MASP2: variants seen among roughly 807,000 people sequenced by gnomAD.
MASP2 encodes the protein mannan-binding lectin serine protease 2.
A neutral mutation model predicts 57.1 loss-of-function variants in MASP2; 49 were observed. The ratio of observed to expected loss-of-function variants is 0.86; its 90% confidence interval spans 0.68 to 1.09. MASP2 has a LOEUF of 1.09. Ranked by LOEUF, MASP2 falls within the 50% of genes least tolerant of loss-of-function variation. The pLI, the probability that MASP2 is intolerant of heterozygous loss-of-function variation, is 0.00. For synonymous variants in MASP2, 379 were observed against 340.8 expected (o/e 1.11, Z -1.24); for missense variants, 900 against 874.8 (o/e 1.03, Z -0.36).
At chr1:11,042,826 A>G (rs1482975361) in intron 6 of MASP2, 49 bp downstream of exon 6, 1 of 1,603,082 alleles carries the variant, frequency 6.2e-7, no homozygotes, top group Non-Finnish European at 8.5e-7. Flanking sequence ...ACTCCAGGAG[A>G]GAGGGCAGCT....
intron 10 of MASP2, 120 bp from the exon 11 acceptor site, chr1:11,027,768 G>T: frequency 9.6e-7 from 1 of 1,038,832 alleles, no homozygotes; most frequent in Non-Finnish European, 1.4e-6. Flanking sequence ...TACATGAATT[G>T]GTGGGTGACT....
Position 11,034,857 on chromosome 1 carries a change from G to T in MASP2, c.1058C>A (p.Ser353Tyr). The change falls in exon 8 of 11, where the codon TCT becomes TAT. Residue 353 changes from serine (S) to tyrosine (Y), a missense_variant. Transcript: ENST00000400897. ...GCACGCGGGCATTGGCCGGTCCCAA[G>T]ATCCATCTTTCTGACAAACTGCAGT... ...SFTAVCQKDG[S>Y]WDRPMPACSI... is the part of the protein sequence containing the mutation. 6.2e-7 allele frequency: 1 copy of T among 1,613,260 alleles called. No homozygotes were observed. The highest frequency in any genetic ancestry group is 8.5e-7 in the Non-Finnish European group (1 of 1,179,684).
At chr1:11,046,424 G>A (rs1329161472) in intron 3 of MASP2, 132 bp downstream of exon 3, 2 of 990,432 alleles carry the variant, frequency 2.0e-6, no homozygotes, top group Admixed American at 2.0e-5. Flanking sequence ...TGTGGATGAT[G>A]TCAGGCCAGA....
In MASP2 at chr1:11,030,945, C is replaced by A; in HGVS notation, c.1088-63G>T. ...ATTTCAGTGCTAACTTTCCAAAGGT[C>A]TGGAGAAGCACCTTTGGGAGGCTGA... On this transcript the variant is annotated intron_variant, in intron 8 of 10. Coordinates refer to ENST00000400897, the MANE Select transcript of MASP2 (RefSeq NM_006610.4). 3 of 1,552,194 alleles carry A rather than the reference C, an allele frequency of 1.9e-6. 1 individual carries two copies. In the South Asian group the frequency reaches 3.7e-5, roughly 19 times the overall value.
intron 6 of MASP2, 71 bp downstream of exon 6, chr1:11,042,804 C>T (rs775452591): frequency 2.2e-5 from 34 of 1,545,644 alleles, no homozygotes; most frequent in Non-Finnish European, 3.0e-5. Flanking sequence ...CTACACTCTA[C>T]AGCTCCTTGA....
chr1:11,034,410 C>A (rs548515581), intron 8 of MASP2, among the ~76,000 whole-genome samples: 62 of 148,028 alleles, frequency 4.2e-4, no homozygotes, highest in African/African-American at 1.1e-3. Flanking sequence ...AAAAAAAAAA[C>A]CAAGGATCCG....
intron 6 of MASP2, among the ~76,000 whole-genome samples, chr1:11,038,626 G>C (rs983761086): frequency 6.6e-6 from 1 of 152,198 alleles, no homozygotes; most frequent in Admixed American, 6.5e-5. Flanking sequence ...AAGCTGCTGG[G>C]GCAGCTGGGT....
chr1:11,045,677 CG>C (rs1186752742), intron 3 of MASP2, 138 bp from the exon 4 acceptor site: 2 of 939,560 alleles, frequency 2.1e-6, no homozygotes, highest in African/African-American at 3.3e-5. Flanking sequence ...GGACTGGTGC[CG>C]GGCCAATCAC....
At chr1:11,034,198 G>T (rs1356543099) in intron 8 of MASP2, among the ~76,000 whole-genome samples, 1 of 143,528 alleles carries the variant, frequency 7.0e-6, no homozygotes, top group African/African-American at 2.6e-5. Context: ...ATCTGAGATT[G>T]TACCACTGTA....
At chr1:11,044,765 G>T in intron 4 of MASP2, 4 of 721,330 alleles carry the variant, frequency 5.5e-6, no homozygotes, top group Non-Finnish European at 8.6e-6. Context: ...GCCGCCTCCC[G>T]ACCCTCCCAC....
chr1:11,033,965 A>ACACACTCTCTCT (rs1445746544), intron 8 of MASP2, among the ~76,000 whole-genome samples: 1 of 15,474 alleles, frequency 6.5e-5, no homozygotes, highest in South Asian at 2.3e-3. Flanking sequence ...ACACACACAC[A>ACACACTCTCTCT]CTCTCTCTCT....
intron 10 of MASP2, among the ~76,000 whole-genome samples, chr1:11,029,023 C>T (rs1400859324): frequency 2.7e-5 from 4 of 148,210 alleles, no homozygotes; most frequent in Non-Finnish European, 4.5e-5. Context: ...GACAGAGTCT[C>T]GCTCTGTTGC....
At chr1:11,030,494 G>A in intron 9 of MASP2, 1 of 575,582 alleles carries the variant, frequency 1.7e-6, no homozygotes. Flanking sequence ...TAATGATAAG[G>A]TGTTGACTTG....
rs776770754 is a variant in MASP2 at position 11,027,330 on chromosome 1, T to C, written c.1616A>G (p.Asn539Ser). ...GTTGCTATTGATTACAACTTTGTTA[T>C]TCAATTTAATCAGTGCTATGTCATT... ...FDNDIALIKL[N>S]NKVVINSNIT... The change falls in exon 11 of 11, where the codon AAT (asparagine) becomes AGT (serine). Residue 539 changes from asparagine to serine, a missense_variant. Physicochemically the swap from Asn to Ser is conservative, Grantham distance 46 (BLOSUM62 1). Coordinates refer to ENST00000400897, the MANE Select transcript of MASP2 (RefSeq NM_006610.4). The C allele has an allele frequency of 4.3e-6, 7 of 1,613,926 alleles. No homozygotes were observed. The highest frequency in any genetic ancestry group is 1.3e-5 in the African/African-American group (1 of 74,926).
intron 4 of MASP2, among the ~76,000 whole-genome samples, chr1:11,043,804 A>G (rs970830857): frequency 6.6e-6 from 1 of 151,936 alleles, no homozygotes; most frequent in Non-Finnish European, 1.5e-5. Flanking sequence ...CTCGGGATGG[A>G]GCGCACAGGC....
Position 11,047,226 on chromosome 1 carries a change from G to T in MASP2, c.-19C>A. ...ACCTCATGGTGTGCCCGTCCAGCTG[G>T]CCTGGCCTGGTCTGCAGCCCTACGC... is the stretch of plus-strand genomic sequence containing the variant. On this transcript the variant is annotated 5_prime_UTR_variant, in exon 1 of 11. Coordinates refer to ENST00000400897, the MANE Select transcript of MASP2 (RefSeq NM_006610.4). The T allele has an allele frequency of 1.3e-6, 2 of 1,556,598 alleles. No individual in the cohort carries two copies. The highest frequency in any genetic ancestry group is 1.9e-5 in the Admixed American group (1 of 53,304).
intron 6 of MASP2, among the ~76,000 whole-genome samples, chr1:11,038,753 G>A (rs542444654): frequency 3.3e-5 from 5 of 152,210 alleles, no homozygotes; most frequent in Non-Finnish European, 7.3e-5. Flanking sequence ...GACCTGTGGA[G>A]GCCCAGGGCT....
At chr1:11,029,246 C>T (rs945117064) in intron 10 of MASP2, among the ~76,000 whole-genome samples, 8 of 151,648 alleles carry the variant, frequency 5.3e-5, no homozygotes, top group African/African-American at 1.5e-4. Flanking sequence ...GTGATCTTTC[C>T]GCCTTGGCCT....
Position 11,030,866 on chromosome 1 carries a change from A to T in MASP2, c.1104T>A (p.Pro368=). 6.2e-7 allele frequency: 1 copy of T among 1,613,132 alleles called. No homozygotes were observed. The highest frequency in any genetic ancestry group is 1.1e-5 in the South Asian group (1 of 90,948). Residue 368 remains proline (P), a synonymous_variant, in exon 9 of 11, where the codon CCT becomes CCA. Transcript: ENST00000400897. ...CTCGGCCACTGGGTAGATCATCAGG[A>T]GGGCCACAGTCAACAACTAAGAAAG... is the stretch of plus-strand genomic sequence containing the variant. ...MPACSIVDCG[P]PDDLPSGRVE... is the part of the protein sequence containing the mutation.
Sources: allele counts gnomAD v4.1 joint callset (sites outside exome capture counted in the v4.1 genomes callset), GRCh38; gene constraint gnomAD v4.1.1; transcripts MANE v1.5; gene names NCBI Gene and HGNC (gene_info 2026-07-23, HGNC 2026-07-21).